CASK: variants seen among roughly 807,000 people sequenced by gnomAD.
CASK encodes the protein peripheral plasma membrane protein CASK.
A neutral mutation model predicts 82.9 loss-of-function variants in CASK; 4 were observed. The ratio of observed to expected loss-of-function variants is 0.05; its 90% CI spans 0.02 to 0.11. The LOEUF is 0.11. CASK is among the 10% of genes least tolerant of loss of function. CASK has a pLI of 1.00. For synonymous variants in CASK, 259 were observed against 253.5 expected (o/e 1.02, Z -0.20); for missense variants, 358 against 720.9 (o/e 0.50, Z 5.76).
intron 1 of CASK, among the ~76,000 whole-genome samples, chrX:41,854,224 GCACACACACACACACA>G (rs4007745): frequency 1.7e-4 from 14 of 81,717 alleles, no homozygotes; most frequent in South Asian, 1.4e-3. Flanking sequence ...GCGGGCGCGC[GCACACACACACACACA>G]CACACACACA....
intron 5 of CASK, among the ~76,000 whole-genome samples, chrX:41,681,658 A>C (rs1242672484): frequency 8.9e-6 from 1 of 111,792 alleles, no homozygotes; most frequent in East Asian, 2.8e-4. Flanking sequence ...TGATGCTAGA[A>C]GTGCTCCTAA....
chrX:41,813,479 C>T (rs1367100553), intron 2 of CASK, among the ~76,000 whole-genome samples: 2 of 111,107 alleles, frequency 1.8e-5, no homozygotes, highest in Non-Finnish European at 3.8e-5. Flanking sequence ...CTGACAAAAA[C>T]AAGAAATAGG....
chrX:41,528,496 T>G (rs1027686731), intron 25 of CASK, among the ~76,000 whole-genome samples: 1 of 112,027 alleles, frequency 8.9e-6, no homozygotes, highest in East Asian at 2.8e-4. Context: ...ATGGTCCACA[T>G]GTAGTTTGGC....
At chrX:41,901,195 G>A (rs2072373683) in intron 1 of CASK, among the ~76,000 whole-genome samples, 2 of 112,095 alleles carry the variant, frequency 1.8e-5, no homozygotes, top group Admixed American at 1.9e-4. Context: ...TACAAAGCAG[G>A]CACTTGGCTG....
chrX:41,774,421 G>A (rs1346945353), intron 3 of CASK, among the ~76,000 whole-genome samples: 2 of 111,805 alleles, frequency 1.8e-5, no homozygotes, highest in Non-Finnish European at 3.8e-5. Flanking sequence ...ATGCTCATGG[G>A]TAGGAAGAAT....
chrX:41,653,264 G>T (rs990772001), intron 8 of CASK, among the ~76,000 whole-genome samples: 1 of 111,631 alleles, frequency 9.0e-6, no homozygotes, highest in Non-Finnish European at 1.9e-5. Context: ...AGAATGAAAG[G>T]GTGGGAGATG....
intron 12 of CASK, among the ~76,000 whole-genome samples, chrX:41,608,517 A>G (rs1381913757): frequency 8.9e-6 from 1 of 112,110 alleles, no homozygotes; most frequent in Non-Finnish European, 1.9e-5. Flanking sequence ...GGCACCCCAA[A>G]GCAAGTATGA....
chrX:41,533,948 G>A (rs1261048414), intron 24 of CASK, among the ~76,000 whole-genome samples: 1 of 111,694 alleles, frequency 9.0e-6, no homozygotes, highest in Non-Finnish European at 1.9e-5. Flanking sequence ...ATGAGCCACC[G>A]CGCCTGGCCT....
rs2068281231 is a variant in CASK, at chrX:41,727,415, C to T, written c.429+11969G>A. 1 of 1,210,545 alleles carries T rather than the reference C, an allele frequency of 8.3e-7. No individual in the cohort carries two copies. Among genetic ancestry groups the T allele is most frequent in the Non-Finnish European group, 1.1e-6 (1 of 894,358 alleles). On this transcript the variant is annotated intron_variant, in intron 5 of 26. Coordinates refer to ENST00000378163, the MANE Select transcript of CASK (RefSeq NM_001367721.1). Reference sequence around the variant, plus strand: ...ATGCAAAAGGATTCCTCGCAAGAGACTACTTCATGCTATGAGAAAATATTT... The same window carrying T: ...ATGCAAAAGGATTCCTCGCAAGAGATTACTTCATGCTATGAGAAAATATTT...
At chrX:41,779,992 C>CA (rs755365672) in intron 3 of CASK, among the ~76,000 whole-genome samples, 1 of 110,954 alleles carries the variant, frequency 9.0e-6, no homozygotes, top group Non-Finnish European at 1.9e-5. Flanking sequence ...TTAAAAGATA[C>CA]AAAAAAATTA....
intron 11 of CASK, among the ~76,000 whole-genome samples, chrX:41,611,704 C>T (rs1269289154): frequency 2.3e-5 from 2 of 87,789 alleles, no homozygotes; most frequent in African/African-American, 4.2e-5. Flanking sequence ...CCTCTCCCCA[C>T]GGTCTCCCTC....
At chrX:41,605,006 C>T (rs2147267566) in intron 12 of CASK, among the ~76,000 whole-genome samples, 1 of 112,289 alleles carries the variant, frequency 8.9e-6, no homozygotes, top group African/African-American at 3.2e-5. Context: ...TTCCTGTAAA[C>T]AAATTCTAAT....
chrX:41,681,320 TAC>T (rs751119338), intron 5 of CASK, among the ~76,000 whole-genome samples: 1 of 112,257 alleles, frequency 8.9e-6, no homozygotes, highest in South Asian at 3.7e-4. Context: ...AACTTACACC[TAC>T]ACAGACTGTA....
At chrX:41,530,605 A>T (rs748939545) in intron 25 of CASK, among the ~76,000 whole-genome samples, 1 of 112,010 alleles carries the variant, frequency 8.9e-6, no homozygotes, top group South Asian at 3.7e-4. Context: ...GATTAACATA[A>T]TGTGCTGGTA....
chrX:41,646,767 G>A (rs952355268), intron 8 of CASK, among the ~76,000 whole-genome samples: 8 of 110,892 alleles, frequency 7.2e-5, no homozygotes, highest in Non-Finnish European at 1.1e-4. Context: ...AAATTTAGAC[G>A]AATAATCAAA....
chrX:41,646,042 C>T (rs374290438), intron 8 of CASK, among the ~76,000 whole-genome samples: 15 of 111,225 alleles, frequency 1.3e-4, no homozygotes, highest in African/African-American at 4.9e-4. Context: ...TATAAATACC[C>T]CCCTCTGTGC....
intron 5 of CASK, among the ~76,000 whole-genome samples, chrX:41,717,097 C>T (rs1317605926): frequency 9.0e-6 from 1 of 110,888 alleles, no homozygotes; most frequent in African/African-American, 3.3e-5. Flanking sequence ...TAACCCCCTC[C>T]CTGCACACTT....
intron 3 of CASK, among the ~76,000 whole-genome samples, chrX:41,774,687 A>T (rs1459329296): frequency 9.1e-6 from 1 of 110,457 alleles, no homozygotes; most frequent in East Asian, 2.9e-4. Flanking sequence ...CAAAACAGAG[A>T]TATAGATCAA....
chrX:41,810,457 A>G (rs1292334980), intron 2 of CASK, among the ~76,000 whole-genome samples: 2 of 111,710 alleles, frequency 1.8e-5, no homozygotes, highest in Non-Finnish European at 3.8e-5. Context: ...AGAATTTTCA[A>G]CCCGGAATTT....
Sources: allele counts gnomAD v4.1 joint callset (sites outside exome capture counted in the v4.1 genomes callset), GRCh38; gene constraint gnomAD v4.1.1; transcripts MANE v1.5; gene names NCBI Gene and HGNC (gene_info 2026-07-23, HGNC 2026-07-21).